Variants in TADA2A observed in about 807,000 individuals in gnomAD.
The protein encoded by TADA2A is transcriptional adapter 2-alpha.
A neutral mutation model predicts 67.4 loss-of-function variants in TADA2A; 38 were observed. The observed-to-expected ratio is 0.56, with a 90% CI of 0.44 to 0.74. The LOEUF is 0.74. TADA2A is among the 30% of genes least tolerant of loss of function. The pLI is 0.00. For missense variants in TADA2A, 454 were observed against 547.0 expected (o/e 0.83, Z 1.70); for synonymous variants, 192 against 181.6 (o/e 1.06, Z -0.46).
At position 37,462,091 on chromosome 17, in the gene TADA2A, C is replaced by A; in HGVS notation, c.682C>A (p.His228Asn). 1.3e-6 allele frequency: 2 copies of A among 1,572,584 alleles called. No individual in the cohort carries two copies. Among genetic ancestry groups the A allele is most frequent in the South Asian group, 1.2e-5 (1 of 86,110 alleles). ...TTTTCATTCTAGAATTATAAGAGACCATGGATTAATCAACCTTAGAAAGTT... is the reference window on the plus strand; with the variant it reads ...TTTTCATTCTAGAATTATAAGAGACAATGGATTAATCAACCTTAGAAAGTT... ...RQRRKKIIRD[H>N]GLINLRKFQL... The change falls in exon 10 of 16, where the codon CAT (histidine) becomes AAT (asparagine). Residue 228 changes from histidine to asparagine, a missense_variant. Around this residue, in one of 2 missense-constraint regions of TADA2A, gnomAD observed 403 missense variants for 455.5 expected, o/e 0.88. Coordinates refer to ENST00000615182, the MANE Select transcript of TADA2A (RefSeq NM_001166105.3).
rs1435660846 is a variant in TADA2A at position 37,440,782 on chromosome 17, G to A, written c.442+120G>A. On this transcript the variant is annotated intron_variant, in intron 6 of 15. Transcript: ENST00000615182. ...AATGATATCACGGAAGATAGGAGGA[G>A]TTAGTATGGCAGCTATTGAGAGTCA... is the stretch of plus-strand genomic sequence containing the variant. The A allele has an allele frequency of 1.3e-5, 16 of 1,259,898 alleles. No individual in the cohort carries two copies. In the Admixed American group the frequency reaches 1.5e-4, roughly 12 times the overall value. The allele number at this position is 1,259,898 out of a possible 1,614,324, so 78.0% of individuals were successfully genotyped here.
intron 3 of TADA2A, among the ~76,000 whole-genome samples, chr17:37,425,633 G>T (rs984372603): frequency 7.9e-5 from 12 of 151,946 alleles, no homozygotes; most frequent in Non-Finnish European, 1.6e-4. Context: ...ATTATAAGAT[G>T]AATCTTGATT....
Position 37,440,567 on chromosome 17 carries a change from A to G in TADA2A, c.347A>G (p.Lys116Arg), listed in dbSNP as rs1236030137. ...GAGGAGTGTGAGAAGCACTATATGAAGCATTTCATCAATAACCCTCTGTTT... is the reference window on the plus strand; with the variant it reads ...GAGGAGTGTGAGAAGCACTATATGAGGCATTTCATCAATAACCCTCTGTTT... ...TKEECEKHYM[K>R]HFINNPLFAS... The change falls in exon 6 of 16, where the codon AAG becomes AGG. Residue 116 changes from lysine to arginine, a missense_variant. This residue lies in a region of TADA2A where 403 missense variants were observed against 455.5 expected (regional missense o/e 0.88). Coordinates refer to ENST00000615182, the MANE Select transcript of TADA2A (RefSeq NM_001166105.3). 2 of 1,614,162 alleles carry G rather than the reference A, an allele frequency of 1.2e-6. No homozygotes were observed. The highest frequency in any genetic ancestry group is 1.7e-6 in the Non-Finnish European group (2 of 1,180,018).
At chr17:37,453,602 A>G (rs2053291006) in intron 8 of TADA2A, among the ~76,000 whole-genome samples, 3 of 152,186 alleles carry the variant, frequency 2.0e-5, no homozygotes, top group Admixed American at 2.0e-4. Flanking sequence ...GAACATGTAA[A>G]TAATGTGTTG....
At chr17:37,447,968 G>T (rs1448262465) in intron 8 of TADA2A, among the ~76,000 whole-genome samples, 1 of 152,154 alleles carries the variant, frequency 6.6e-6, no homozygotes, top group African/African-American at 2.4e-5. Context: ...AATCTTGCTT[G>T]CTGTTTCTTT....
chr17:37,414,121 A>T (rs925087514), intron 2 of TADA2A, among the ~76,000 whole-genome samples: 5 of 152,138 alleles, frequency 3.3e-5, no homozygotes, highest in Non-Finnish European at 7.3e-5. Flanking sequence ...GCTGCAAAGG[A>T]TGTGATCTCA....
Position 37,445,713 on chromosome 17 carries a change from A to AACTACATACTAATATATACTAAT in TADA2A, c.604+954_604+976dup, listed in dbSNP as rs555517558. 5.5e-3 allele frequency among the ~76,000 whole-genome samples: 832 copies of AACTACATACTAATATATACTAAT among 152,270 alleles called. 4 individuals carry two copies. Among genetic ancestry groups the AACTACATACTAATATATACTAAT allele is most frequent in the Non-Finnish European group, 9.2e-3 (624 of 68,018 alleles). On this transcript the variant is annotated intron_variant, in intron 8 of 15. Transcript: ENST00000615182. ...TTTTTCCTTCTTTCCATTTTCAGTGAACTACATACTAATATATACTAATAC... is the reference window on the plus strand; with the variant it reads ...TTTTTCCTTCTTTCCATTTTCAGTGAACTACATACTAATATATACTAATACTACATACTAATATATACTAATAC...
chr17:37,469,735 C>T (rs915109777), intron 12 of TADA2A, among the ~76,000 whole-genome samples: 2 of 152,200 alleles, frequency 1.3e-5, no homozygotes, highest in African/African-American at 4.8e-5. Flanking sequence ...TTTCTCTTTA[C>T]ATTAACCTCT....
At chr17:37,450,185 A>G (rs1186654165) in intron 8 of TADA2A, among the ~76,000 whole-genome samples, 2 of 152,198 alleles carry the variant, frequency 1.3e-5, no homozygotes, top group South Asian at 2.1e-4. Flanking sequence ...GACAGGTTGG[A>G]TAAGCTTGGC....
intron 5 of TADA2A, 25 bp from the exon 6 acceptor site, chr17:37,440,480 C>T: frequency 6.2e-7 from 1 of 1,611,600 alleles, no homozygotes; most frequent in Non-Finnish European, 8.5e-7. Flanking sequence ...AGTACCACTT[C>T]TCTCTTTTTC....
chr17:37,438,347 C>A (rs1488282179), intron 5 of TADA2A, among the ~76,000 whole-genome samples: 3 of 152,202 alleles, frequency 2.0e-5, no homozygotes, highest in Non-Finnish European at 2.9e-5. Flanking sequence ...GGGGGCAGCA[C>A]CACTTAATAC....
At chr17:37,475,316 A>G (rs980266841) in intron 15 of TADA2A, among the ~76,000 whole-genome samples, 4 of 151,278 alleles carry the variant, frequency 2.6e-5, no homozygotes, top group Non-Finnish European at 2.9e-5. Flanking sequence ...GGACTGGACT[A>G]TAGGCGCTTG....
chr17:37,409,262 A>G (rs1359349049), intron 1 of TADA2A, among the ~76,000 whole-genome samples: 1 of 151,678 alleles, frequency 6.6e-6, no homozygotes, highest in Non-Finnish European at 1.5e-5. Flanking sequence ...ATTTTTTTGT[A>G]TTTTTGGTAG....
At chr17:37,457,449 G>A (rs1395429867) in intron 8 of TADA2A, among the ~76,000 whole-genome samples, 1 of 149,508 alleles carries the variant, frequency 6.7e-6, no homozygotes, top group African/African-American at 2.5e-5. Context: ...ACAAAGTGCT[G>A]GGATTACAGG....
rs1249558390 is a variant in TADA2A at position 37,406,920 on chromosome 17, C to A, written c.-127C>A. The A allele has an allele frequency of 1.7e-5, 2 of 119,784 alleles. No homozygotes were observed. The highest frequency in any genetic ancestry group is 6.2e-5 in the African/African-American group (2 of 32,312). The allele number at this position is 119,784 out of a possible 1,614,324, so 7.4% of individuals were successfully genotyped here. A position where few individuals can be genotyped will look rare whatever the true frequency, so the allele number is the denominator to read the frequency against. On this transcript the variant is annotated 5_prime_UTR_variant, in exon 1 of 16. Transcript: ENST00000615182. ...CCGGAGGCGCGCGCGACCGGCGGCT[C>A]TTTGGCGCGGATTAGGGGGTCTCGG...
At chr17:37,471,597 TC>T (rs2053788377) in intron 14 of TADA2A, among the ~76,000 whole-genome samples, 3 of 151,494 alleles carry the variant, frequency 2.0e-5, no homozygotes, top group African/African-American at 7.3e-5. Flanking sequence ...AACCTCCGCT[TC>T]CCGGGTTCAA....
intron 15 of TADA2A, 42 bp from the exon 16 acceptor site, chr17:37,476,755 A>C: frequency 6.4e-7 from 1 of 1,568,158 alleles, no homozygotes; most frequent in Non-Finnish European, 8.7e-7. Context: ...AATTACAAAA[A>C]TGACAGATGT....
intron 5 of TADA2A, among the ~76,000 whole-genome samples, chr17:37,439,792 A>G (rs1394510374): frequency 1.3e-5 from 2 of 152,080 alleles, no homozygotes; most frequent in Non-Finnish European, 2.9e-5. Flanking sequence ...ATATTAGGCA[A>G]AATAAAACTA....
At position 37,423,518 on chromosome 17, in the gene TADA2A, C is replaced by T. The variant is rs1340691801; in HGVS notation, c.35C>T (p.Ser12Phe). ...TTTCTGTTTGTTCTAGATGATCCCT[C>T]TGATAAGCCACCTTGCCGAGGCTGC... is the stretch of plus-strand genomic sequence containing the variant. ...DRLGSFSNDP[S>F]DKPPCRGCSS... is the part of the protein sequence containing the mutation. Residue 12 changes from serine to phenylalanine, a missense_variant, in exon 3 of 16, where the codon TCT becomes TTT. By Grantham distance (155) the Ser-to-Phe change is radical. Coordinates refer to ENST00000615182, the MANE Select transcript of TADA2A (RefSeq NM_001166105.3). The T allele has an allele frequency of 6.2e-7, 1 of 1,610,936 alleles. No homozygotes were observed.
Sources: allele counts gnomAD v4.1 joint callset (sites outside exome capture counted in the v4.1 genomes callset), GRCh38; gene constraint gnomAD v4.1.1; regional missense constraint gnomAD v4.1.1; transcripts MANE v1.5; gene names NCBI Gene and HGNC (gene_info 2026-07-23, HGNC 2026-07-21).